Variants in PIGB observed in about 807,000 individuals in gnomAD.
PIGB encodes the protein phosphatidylinositol glycan anchor biosynthesis class B.
In PIGB, 58 loss-of-function variants were observed where a neutral mutation model predicts 68.4. That is an observed-to-expected ratio of 0.85 (90% CI 0.69 to 1.06). The LOEUF (loss-of-function observed/expected upper bound fraction) is 1.06. PIGB is among the 50% of genes least tolerant of loss of function. PIGB has a pLI of 0.00. For synonymous variants in PIGB, 219 were observed against 220.5 expected, an observed-to-expected ratio of 0.99 and a Z score of 0.06; for missense variants, 634 against 655.8, an observed-to-expected ratio of 0.97 and a Z score of 0.36.
At chr15:55,351,208 C>T (rs2055915026) in intron 10 of PIGB, among the ~76,000 whole-genome samples, 2 of 150,662 alleles carry the variant, frequency 1.3e-5, no homozygotes, top group African/African-American at 2.4e-5. Context: ...CCCAGGTTCA[C>T]GCCATTCTCC....
At chr15:55,327,449 A>C in intron 3 of PIGB, 82 bp from the exon 4 acceptor site, 2 of 860,706 alleles carry the variant, frequency 2.3e-6, no homozygotes, top group Non-Finnish European at 3.7e-6. Flanking sequence ...AGATAGTTGG[A>C]TCAGCTTGTT....
In PIGB at chr15:55,350,895, C is replaced by A; in HGVS notation, c.1320C>A (p.His440Gln). 6.3e-7 allele frequency: 1 copy of A among 1,575,628 alleles called. No individual in the cohort carries two copies. Among genetic ancestry groups the A allele is most frequent in the South Asian group, 1.1e-5 (1 of 90,222 alleles). ...CAATATTTATAATGATGCCTTGCCACTCTACTCCTTATTACAGGTAATAAA... is the reference window on the plus strand; with the variant it reads ...CAATATTTATAATGATGCCTTGCCAATCTACTCCTTATTACAGGTAATAAA... ...SASIFIMMPCHSTPYYSHVHC... is the reference protein window; with the variant it reads ...SASIFIMMPCQSTPYYSHVHC... Residue 440 changes from histidine (H) to glutamine (Q), a missense_variant, in exon 10 of 12, where the codon CAC becomes CAA. Physicochemically the swap from His to Gln is conservative, Grantham distance 24 (BLOSUM62 0). Transcript: ENST00000164305.
At chr15:55,344,852 C>A (rs1450775699) in intron 9 of PIGB, among the ~76,000 whole-genome samples, 1 of 148,644 alleles carries the variant, frequency 6.7e-6, no homozygotes, top group Non-Finnish European at 1.5e-5. Context: ...ATATAGACTT[C>A]TCTCTTACTG....
In PIGB at chr15:55,341,563, A is replaced by G. The variant is rs585345; in HGVS notation, c.1059-175A>G. 7.8e-3 allele frequency among the ~76,000 whole-genome samples: 1,185 copies of G among 152,290 alleles called. 12 individuals are homozygous for G. Among genetic ancestry groups the G allele is most frequent in the African/African-American group, 0.027 (1,135 of 41,542 alleles). ...ATTTTATGATTAGTTTTACCATATC[A>G]TAATCACCTTATAACTAAAAAATAA... is the stretch of plus-strand genomic sequence containing the variant. On this transcript the variant is annotated intron_variant, in intron 8 of 11. Coordinates refer to ENST00000164305, the MANE Select transcript of PIGB (RefSeq NM_004855.5).
chr15:55,340,523 T>G (rs1162945767), intron 7 of PIGB, 89 bp from the exon 8 acceptor site: 2 of 766,376 alleles, frequency 2.6e-6, no homozygotes, highest in Non-Finnish European at 4.2e-6. Flanking sequence ...AATTCTGATT[T>G]AATGTCAAAA....
chr15:55,328,599 T>C (rs1298376107), intron 4 of PIGB, among the ~76,000 whole-genome samples: 2 of 152,170 alleles, frequency 1.3e-5, no homozygotes, highest in Non-Finnish European at 2.9e-5. Context: ...TGCTTATACT[T>C]TATGTACATT....
Position 55,333,978 on chromosome 15 carries a change from T to C in PIGB, c.765T>C (p.Asp255=), listed in dbSNP as rs763612565. Residue 255 remains aspartate, a synonymous_variant, in exon 6 of 12, where the codon GAT becomes GAC. Coordinates refer to ENST00000164305, the MANE Select transcript of PIGB (RefSeq NM_004855.5). ...RHFCQEPRKL[D]LILHHFLPVG... ...TCTGTCAAGAACCAAGAAAGCTTGATCTTATTCTACATCATTTTTTACCTG... is the reference window on the plus strand; with the variant it reads ...TCTGTCAAGAACCAAGAAAGCTTGACCTTATTCTACATCATTTTTTACCTG... The C allele has an allele frequency of 5.0e-6, 8 of 1,605,618 alleles. No homozygotes were observed. The highest frequency in any genetic ancestry group is 6.0e-6 in the Non-Finnish European group (7 of 1,176,420).
chr15:55,333,602 C>T (rs1378085013), intron 5 of PIGB, among the ~76,000 whole-genome samples: 4 of 152,098 alleles, frequency 2.6e-5, no homozygotes, highest in Admixed American at 2.6e-4. Context: ...CATGGTGGTA[C>T]ACACCTGTAA....
chr15:55,342,251 C>G (rs1340615914), intron 9 of PIGB, among the ~76,000 whole-genome samples: 1 of 152,112 alleles, frequency 6.6e-6, no homozygotes, highest in African/African-American at 2.4e-5. Context: ...TTTAGATTAG[C>G]TATTTTAAGT....
chr15:55,331,317 A>G (rs1181961703), intron 5 of PIGB, among the ~76,000 whole-genome samples: 1 of 152,180 alleles, frequency 6.6e-6, no homozygotes, highest in Non-Finnish European at 1.5e-5. Flanking sequence ...CAAGGGTCAC[A>G]TGGTACAAAA....
Position 55,355,278 on chromosome 15 carries a change from G to C in PIGB, c.1519-8G>C. On this transcript the variant is annotated splice_region_variant and splice_polypyrimidine_tract_variant and intron_variant, in intron 11 of 11. Transcript: ENST00000164305. The stretch of plus-strand genomic sequence containing the variant: ...CCTTTATTTACTTAAACATTTATTT[G>C]CTTCTAGGAAATAAGCGCTTTCCTA... The C allele has an allele frequency of 1.3e-6, 2 of 1,594,878 alleles. No homozygotes were observed. The highest frequency in any genetic ancestry group is 1.7e-6 in the Non-Finnish European group (2 of 1,168,536).
In PIGB at chr15:55,350,748, C is replaced by T. The variant is rs2055903200; in HGVS notation, c.1173C>T (p.Phe391=). Residue 391 remains phenylalanine, a synonymous_variant, in exon 10 of 12, where the codon TTC becomes TTT. Coordinates refer to ENST00000164305, the MANE Select transcript of PIGB (RefSeq NM_004855.5). The stretch of plus-strand genomic sequence containing the variant: ...CATGGAAGAAACCAGCTCTAAGTTT[C>T]CTGTTTTTATCAAATTTGTTCCTCG... ...LKTWKKPALS[F]LFLSNLFLAL... is the part of the protein sequence containing the mutation. The T allele has an allele frequency of 6.2e-7, 1 of 1,613,640 alleles. No homozygotes were observed. The highest frequency in any genetic ancestry group is 1.7e-5 in the Admixed American group (1 of 60,000).
chr15:55,343,857 G>T (rs1289578786), intron 9 of PIGB, among the ~76,000 whole-genome samples: 1 of 152,116 alleles, frequency 6.6e-6, no homozygotes, highest in African/African-American at 2.4e-5. Context: ...TAGGAGATTT[G>T]TACTTCCACT....
intron 9 of PIGB, among the ~76,000 whole-genome samples, chr15:55,348,967 A>C (rs1377638655): frequency 6.6e-6 from 1 of 152,102 alleles, no homozygotes; most frequent in Admixed American, 6.6e-5. Flanking sequence ...ATTTATTTTG[A>C]GACAGTTTCA....
intron 10 of PIGB, among the ~76,000 whole-genome samples, chr15:55,354,036 G>A (rs2056002377): frequency 7.0e-6 from 1 of 143,416 alleles, no homozygotes; most frequent in African/African-American, 2.8e-5. Flanking sequence ...ATGTGGCTGG[G>A]CGTGGTGGCT....
At chr15:55,333,543 C>T (rs544163325) in intron 5 of PIGB, among the ~76,000 whole-genome samples, 2 of 152,260 alleles carry the variant, frequency 1.3e-5, no homozygotes, top group South Asian at 2.1e-4. Flanking sequence ...CCAGCCTGGC[C>T]AACAAGGTGA....
chr15:55,351,866 CTGTCTCCAAAAA>C, intron 10 of PIGB: 1 of 88,820 alleles, frequency 1.1e-5, no homozygotes, highest in African/African-American at 6.4e-5. Context: ...GAGCAAGACT[CTGTCTCCAAAAA>C]AAAAAAAAAA....
intron 9 of PIGB, among the ~76,000 whole-genome samples, chr15:55,342,179 G>A (rs2055686071): frequency 6.6e-6 from 1 of 152,088 alleles, no homozygotes; most frequent in Admixed American, 6.6e-5. Flanking sequence ...AGCAGTTTTT[G>A]GTGGTGGTGT....
At chr15:55,351,138 T>C (rs928433512) in intron 10 of PIGB, among the ~76,000 whole-genome samples, 23 of 149,382 alleles carry the variant, frequency 1.5e-4, no homozygotes, top group African/African-American at 5.8e-4. Flanking sequence ...AGACGGAGTC[T>C]GTTCTATTGC....
Sources: allele counts gnomAD v4.1 joint callset (sites outside exome capture counted in the v4.1 genomes callset), GRCh38; gene constraint gnomAD v4.1.1; transcripts MANE v1.5; gene names NCBI Gene and HGNC (gene_info 2026-07-23, HGNC 2026-07-21).